The following TTC34 variants were observed in gnomAD, a reference collection of about 807,000 sequenced individuals.
TTC34 encodes tetratricopeptide repeat domain 34, also known as tetratricopeptide repeat protein 34.
A neutral mutation model predicts 40.7 loss-of-function variants in TTC34; 44 were observed. That is an observed-to-expected ratio of 1.08 (90% CI 0.85 to 1.39). TTC34 has a LOEUF of 1.39. Ranked by LOEUF, TTC34 falls within the 40% of genes most tolerant of loss-of-function variation. TTC34 has a pLI of 0.00. For missense variants in TTC34, 884 were observed against 838.0 expected (o/e 1.05, Z -0.68); for synonymous variants, 422 against 398.6 (o/e 1.06, Z -0.70).
At chr1:2,749,596 A>T (rs1641252375) in intron 6 of TTC34, among the ~76,000 whole-genome samples, 1 of 107,174 alleles carries the variant, frequency 9.3e-6, no homozygotes, top group Non-Finnish European at 1.8e-5. Context: ...CTGGAGCAGC[A>T]CCCACACCCC....
Position 2,638,454 on chromosome 1 carries a change from T to C in TTC34, c.*2914A>G, listed in dbSNP as rs1638833729. The stretch of plus-strand genomic sequence containing the variant: ...GGATTTGCTGGCGGTCTACAGTTAA[T>C]GAAGGGGAGATGCTGGAATGTCCCT... On this transcript the variant is annotated 3_prime_UTR_variant, in exon 9 of 9. Coordinates refer to ENST00000401095, the Ensembl canonical transcript of TTC34. The C allele has an allele frequency of 2.0e-5, 3 of 152,212 alleles. No homozygotes were observed. The South Asian group carries it at 6.2e-4, about 31-fold the overall frequency. 9.4% of individuals were successfully genotyped at this position (152,212 alleles called of 1,614,324 possible).
At chr1:2,791,718 A>G (rs1643665380) in intron 2 of TTC34, among the ~76,000 whole-genome samples, 1 of 152,122 alleles carries the variant, frequency 6.6e-6, no homozygotes, top group Non-Finnish European at 1.5e-5. Flanking sequence ...GCAGTGGCTC[A>G]TGGATCCGAG....
intron 6 of TTC34, among the ~76,000 whole-genome samples, chr1:2,656,065 G>A (rs1325508502): frequency 5.7e-3 from 812 of 141,384 alleles, no homozygotes; most frequent in African/African-American, 0.021. Flanking sequence ...CCCCAGGTGC[G>A]CATCTGATGG....
intron 6 of TTC34, among the ~76,000 whole-genome samples, chr1:2,752,797 TGGAA>T (rs1641367775): frequency 7.8e-6 from 1 of 127,674 alleles, no homozygotes; most frequent in Non-Finnish European, 1.6e-5. Context: ...TGTGACAGCC[TGGAA>T]CAGCTCCCTG....
exon 9 of TTC34, chr1:2,641,206 AG>A: frequency 2.4e-6 from 1 of 414,060 alleles, no homozygotes; most frequent in Non-Finnish European, 3.4e-6. Context: ...GGTTGTGGGG[AG>A]GGTTGGGAAG....
At chr1:2,651,879 C>CA (rs771290817) in intron 6 of TTC34, among the ~76,000 whole-genome samples, 17 of 152,210 alleles carry the variant, frequency 1.1e-4, no homozygotes, top group Non-Finnish European at 2.1e-4. Flanking sequence ...AACAACAACT[C>CA]ACGATTTTGG....
chr1:2,759,557 A>C, intron 6 of TTC34, among the ~76,000 whole-genome samples: 1 of 150,950 alleles, frequency 6.6e-6, no homozygotes, highest in East Asian at 1.9e-4. Flanking sequence ...CAGCACCCAC[A>C]CTCCCAGACG....
chr1:2,655,054 C>A (rs1435147898), intron 6 of TTC34, among the ~76,000 whole-genome samples: 3 of 151,258 alleles, frequency 2.0e-5, no homozygotes, highest in African/African-American at 7.2e-5. Flanking sequence ...CACGCTGCAC[C>A]CCCAAGTGAG....
Position 2,748,822 on chromosome 1 carries a change from C to A in TTC34, c.2226+34787G>T, listed in dbSNP as rs1368385361. 6.9e-4 allele frequency among the ~76,000 whole-genome samples: 93 copies of A among 135,764 alleles called. 21 individuals carry two copies. The highest frequency in any genetic ancestry group is 6.8e-3 in the South Asian group (26 of 3,836). The allele number at this position is 135,764 out of a possible 152,430, so 89.1% of individuals were successfully genotyped here. A position where few individuals can be genotyped will look rare whatever the true frequency, so the allele number is the denominator to read the frequency against. ...ACACCCACAGGCGAGCATCTGACAG[C>A]CTCGGTCGGCACCCACAAACCCAGG... On this transcript the variant is annotated intron_variant, in intron 6 of 8. Transcript: ENST00000401095.
chr1:2,697,273 A>C (rs1479409209), intron 6 of TTC34, among the ~76,000 whole-genome samples: 1 of 61,824 alleles, frequency 1.6e-5, no homozygotes, highest in South Asian at 4.0e-4. Flanking sequence ...ACCCTGGAAC[A>C]GCACACACAC....
chr1:2,683,386 C>T (rs542143660), intron 6 of TTC34, among the ~76,000 whole-genome samples: 5 of 148,362 alleles, frequency 3.4e-5, no homozygotes, highest in South Asian at 4.2e-4. Context: ...GGAACAGCAC[C>T]CACACGCCCA....
chr1:2,787,595 C>T (rs774364577), exon 4 of TTC34: 67 of 1,549,440 alleles, frequency 4.3e-5, no homozygotes, highest in Non-Finnish European at 5.6e-5. Context: ...TGTGGGTCTC[C>T]TCCAGGCGGC....
At chr1:2,686,288 C>A (rs1281754759) in intron 6 of TTC34, among the ~76,000 whole-genome samples, 46 of 136,692 alleles carry the variant, frequency 3.4e-4, no homozygotes, top group African/African-American at 1.2e-3. Flanking sequence ...CACCCCCAGG[C>A]GAGCATCTGA....
intron 8 of TTC34, among the ~76,000 whole-genome samples, chr1:2,643,651 T>C (rs1638958904): frequency 6.6e-6 from 1 of 151,024 alleles, no homozygotes; most frequent in South Asian, 2.1e-4. Flanking sequence ...GCTCTTCAGC[T>C]CGGGGGGGGC....
At chr1:2,683,422 C>A (rs61763524) in intron 6 of TTC34, among the ~76,000 whole-genome samples, 2 of 76,282 alleles carry the variant, frequency 2.6e-5, no homozygotes, top group South Asian at 3.6e-4. Context: ...GCCTGGAACA[C>A]CACCCTTCAC....
intron 6 of TTC34, among the ~76,000 whole-genome samples, chr1:2,652,444 C>T (rs111991463): frequency 6.9e-5 from 1 of 14,418 alleles, no homozygotes; most frequent in Admixed American, 1.2e-3. Context: ...AGCACCCACA[C>T]CCCCAGGTGA....
intron 8 of TTC34, 101 bp from the exon 9 acceptor site, chr1:2,641,996 G>A: frequency 1.6e-6 from 2 of 1,285,532 alleles, no homozygotes; most frequent in Non-Finnish European, 1.0e-6. Context: ...AGCTTCTGCT[G>A]GCTCCCTGGG....
exon 3 of TTC34, chr1:2,790,318 G>A (rs1392195384): frequency 1.5e-5 from 6 of 398,344 alleles, no homozygotes; most frequent in Non-Finnish European, 2.2e-5. Context: ...AGGCCGCGCG[G>A]GTGACCAGCA....
chr1:2,681,775 G>A (rs1640085296), intron 6 of TTC34, among the ~76,000 whole-genome samples: 1 of 118,606 alleles, frequency 8.4e-6, no homozygotes, highest in Non-Finnish European at 1.9e-5. Flanking sequence ...GCCTGGGTCG[G>A]CACCCACACC....
Sources: gnomAD v4.1 joint callset for allele counts (sites outside exome capture counted in the v4.1 genomes callset) on GRCh38, gnomAD v4.1.1 for gene constraint, MANE v1.5 for transcripts, NCBI Gene and HGNC (gene_info 2026-07-23, HGNC 2026-07-21) for gene names.